The following PATJ variants were observed in gnomAD, a reference collection of about 807,000 sequenced individuals.
PATJ encodes inaD-like protein.
Under a neutral mutation model 224.9 loss-of-function variants are expected in PATJ, and 190 were observed. The ratio of observed to expected loss-of-function variants is 0.84; its 90% confidence interval spans 0.75 to 0.95. The LOEUF (loss-of-function observed/expected upper bound fraction) is 0.95. PATJ is among the 40% of genes least tolerant of loss of function. The probability of loss-of-function intolerance (pLI) is 0.00; values close to 1 mark genes in which losing one functional copy is unlikely to be tolerated. For missense variants in PATJ, 2,121 were observed against 2,270.3 expected (o/e 0.93, Z 1.34); for synonymous variants, 769 against 820.3 (o/e 0.94, Z 1.07).
chr1:61,836,183 A>G (rs1216412333), intron 17 of PATJ, among the ~76,000 whole-genome samples: 1 of 152,188 alleles, frequency 6.6e-6, no homozygotes, highest in Admixed American at 6.5e-5. Context: ...TCAGTTCTAA[A>G]TGTAGAATTT....
intron 27 of PATJ, among the ~76,000 whole-genome samples, chr1:61,949,490 CTT>C (rs983376845): frequency 1.2e-4 from 18 of 152,086 alleles, no homozygotes; most frequent in African/African-American, 3.9e-4. Context: ...CTCAGTAAAA[CTT>C]TTAAAAATGT....
At chr1:62,119,136 G>A (rs376197273) in intron 37 of PATJ, among the ~76,000 whole-genome samples, 28 of 152,248 alleles carry the variant, frequency 1.8e-4, no homozygotes, top group African/African-American at 6.5e-4. Flanking sequence ...TCAGAGGGTA[G>A]GAGTTTAATT....
In PATJ at chr1:62,144,770, AAAAAAAAAT is replaced by A. The variant is rs796079828; in HGVS notation, c.5272-3512_5272-3504del. ...AATGCTCTAGAATGTTATTTGCAAA[AAAAAAAAAT>A]ATATATATATATATATAATTAGCAG... On this transcript the variant is annotated intron_variant, in intron 41 of 43. Transcript: ENST00000642238. 7.1e-4 allele frequency among the ~76,000 whole-genome samples: 43 copies of A among 60,582 alleles called. 9 individuals are homozygous for A. The East Asian group carries it at 0.03, about 42-fold the overall frequency. The allele number at this position is 60,582 out of a possible 152,430, so 39.7% of individuals were successfully genotyped here. A position where few individuals can be genotyped will look rare whatever the true frequency, so the allele number is the denominator to read the frequency against.
chr1:61,882,114 TC>T (rs1668185013), intron 21 of PATJ, among the ~76,000 whole-genome samples: 1 of 152,076 alleles, frequency 6.6e-6, no homozygotes, highest in African/African-American at 2.4e-5. Context: ...CAAAATAAAG[TC>T]GGCCCACATT....
At chr1:61,782,404 G>A (rs558660694) in intron 7 of PATJ, among the ~76,000 whole-genome samples, 37 of 152,252 alleles carry the variant, frequency 2.4e-4, no homozygotes, top group Admixed American at 8.5e-4. Context: ...CTGAGACTTA[G>A]GGAGGATGAA....
At chr1:61,899,244 A>G (rs995713794) in intron 22 of PATJ, among the ~76,000 whole-genome samples, 1 of 152,164 alleles carries the variant, frequency 6.6e-6, no homozygotes, top group Non-Finnish European at 1.5e-5. Context: ...AAACAATACC[A>G]AGTTTTAAGG....
At chr1:62,081,107 T>G (rs1360330889) in intron 32 of PATJ, among the ~76,000 whole-genome samples, 1 of 152,188 alleles carries the variant, frequency 6.6e-6, no homozygotes. Context: ...GTCTGGCCTG[T>G]AATGCCCTAT....
At chr1:62,090,856 A>C (rs945659424) in intron 33 of PATJ, among the ~76,000 whole-genome samples, 1 of 152,120 alleles carries the variant, frequency 6.6e-6, no homozygotes, top group Admixed American at 6.6e-5. Flanking sequence ...CTTCTCAGAG[A>C]TGTATACTCG....
At chr1:62,136,058 G>A (rs374863532) in intron 41 of PATJ, among the ~76,000 whole-genome samples, 9 of 94,870 alleles carry the variant, frequency 9.5e-5, no homozygotes, top group Admixed American at 1.8e-4. Flanking sequence ...ACAGAGTTTC[G>A]CTCTTGTTAC....
chr1:61,818,678 C>G (rs2811322), intron 14 of PATJ, among the ~76,000 whole-genome samples: 144,885 of 152,310 alleles, frequency 0.95, 69,390 homozygotes, highest in East Asian at 1. Flanking sequence ...TATTTGTTCA[C>G]CCTAATTGAA....
intron 33 of PATJ, among the ~76,000 whole-genome samples, chr1:62,099,332 A>G (rs1160723078): frequency 2.5e-5 from 3 of 119,706 alleles, no homozygotes; most frequent in Admixed American, 2.4e-4. Flanking sequence ...ATTTTTTTGT[A>G]TACAATATCT....
intron 16 of PATJ, among the ~76,000 whole-genome samples, chr1:61,831,223 A>G (rs1659267403): frequency 6.6e-6 from 1 of 151,838 alleles, no homozygotes; most frequent in Non-Finnish European, 1.5e-5. Context: ...CTAAAACTAT[A>G]AAAACCCTGG....
At chr1:61,960,724 A>G (rs976530803) in intron 27 of PATJ, among the ~76,000 whole-genome samples, 2 of 152,208 alleles carry the variant, frequency 1.3e-5, no homozygotes, top group African/African-American at 4.8e-5. Flanking sequence ...GAACATTTCA[A>G]ATTCCTCTTG....
At chr1:62,100,130 C>G (rs1319418411) in intron 33 of PATJ, among the ~76,000 whole-genome samples, 3 of 152,096 alleles carry the variant, frequency 2.0e-5, no homozygotes, top group African/African-American at 4.8e-5. Context: ...TCTTAAATTG[C>G]TCTCTGAGCT....
intron 39 of PATJ, 22 bp downstream of exon 39, chr1:62,123,080 A>G (rs761933961): frequency 5.7e-6 from 9 of 1,574,310 alleles, no homozygotes; most frequent in Middle Eastern, 1.7e-4. Context: ...ATTTTGCTGT[A>G]TGTATTTTTC....
chr1:61,765,065 C>CTTTTT (rs1491546787), intron 3 of PATJ, among the ~76,000 whole-genome samples: 6 of 17,006 alleles, frequency 3.5e-4, no homozygotes, highest in Non-Finnish European at 7.2e-4. Flanking sequence ...TATTGACATT[C>CTTTTT]ATTTTTTTTT....
intron 27 of PATJ, among the ~76,000 whole-genome samples, chr1:61,979,325 C>G (rs1300924971): frequency 6.6e-6 from 1 of 151,978 alleles, no homozygotes; most frequent in African/African-American, 2.4e-5. Flanking sequence ...CTTTCCTTCC[C>G]ATCTTAGGTT....
At chr1:61,959,226 G>T (rs1423849577) in intron 27 of PATJ, among the ~76,000 whole-genome samples, 3 of 151,716 alleles carry the variant, frequency 2.0e-5, no homozygotes, top group Non-Finnish European at 2.9e-5. Flanking sequence ...TAACTTTTTT[G>T]AAAGAAATTA....
At chr1:61,975,166 C>T (rs747584206) in intron 27 of PATJ, among the ~76,000 whole-genome samples, 3 of 151,874 alleles carry the variant, frequency 2.0e-5, no homozygotes, top group Non-Finnish European at 4.4e-5. Flanking sequence ...CAGCTGGTCT[C>T]GATCTCCTGG....
Sources: gnomAD v4.1 joint callset for allele counts (sites outside exome capture counted in the v4.1 genomes callset) on GRCh38, gnomAD v4.1.1 for gene constraint, MANE v1.5 for transcripts, NCBI Gene and HGNC (gene_info 2026-07-23, HGNC 2026-07-21) for gene names.